Variants in ERAP1 observed in about 807,000 individuals in gnomAD.
ERAP1 encodes adipocyte-derived leucine aminopeptidase.
In ERAP1, 86 loss-of-function variants were observed where a neutral mutation model predicts 103.7. The ratio of observed to expected loss-of-function variants is 0.83; its 90% CI spans 0.70 to 0.99. The LOEUF (loss-of-function observed/expected upper bound fraction) is 0.99, where lower values mean the gene tolerates loss of function less well. Ranked by LOEUF, ERAP1 falls within the 50% of genes least tolerant of loss-of-function variation. ERAP1 has a pLI of 0.00. For synonymous variants in ERAP1, 398 were observed against 402.4 expected (o/e 0.99, Z 0.13); for missense variants, 1,009 against 1,128.4 (o/e 0.89, Z 1.52).
intron 18 of ERAP1, among the ~76,000 whole-genome samples, chr5:96,778,814 G>A (rs749637158): frequency 6.6e-5 from 10 of 152,186 alleles, no homozygotes; most frequent in South Asian, 2.1e-4. Flanking sequence ...AGAGAAGTGC[G>A]CAAGATCCAG....
chr5:96,880,144 A>C, the ERAP1 span: 1 of 1,614,154 alleles, frequency 6.2e-7, no homozygotes, highest in East Asian at 2.2e-5. Flanking sequence ...TGCTGGTTCC[A>C]GAGAAACTTA....
the ERAP1 span, chr5:96,886,697 T>C: frequency 2.6e-6 from 4 of 1,555,314 alleles, no homozygotes; most frequent in East Asian, 6.8e-5. Flanking sequence ...GGAAGATCAC[T>C]TTGAAACTAC....
At chr5:96,810,529 A>G (rs145314295), upstream of ERAP1, among the ~76,000 whole-genome samples, 2 of 152,358 alleles carry the variant, frequency 1.3e-5, no homozygotes, top group East Asian at 1.9e-4. Context: ...GAAAACACAC[A>G]CTAATTCTAC....
Position 96,792,101 on chromosome 5 carries a change from G to A in ERAP1, c.1280C>T (p.Ala427Val). The A allele has an allele frequency of 6.2e-7, 1 of 1,614,056 alleles. No individual in the cohort carries two copies. The highest frequency in any genetic ancestry group is 8.5e-7 in the Non-Finnish European group (1 of 1,179,922). ...ATCATCAAACATCTCCCGGATCTGA[G>A]CAGGATTTTCCACAGGTGTAGACAC... ...HPVSTPVENP[A>V]QIREMFDDVS... Residue 427 changes from alanine to valine, a missense_variant, in exon 8 of 19, where the codon GCT becomes GTT. Ala to Val is a moderately conservative substitution (Grantham distance 64, BLOSUM62 0). This residue lies in a region of ERAP1 where 611 missense variants were observed against 651.7 expected (regional missense o/e 0.94). Coordinates refer to ENST00000443439, the MANE Select transcript of ERAP1 (RefSeq NM_001040458.3).
At chr5:96,909,810 G>C in the ERAP1 span, 1 of 1,584,240 alleles carries the variant, frequency 6.3e-7, no homozygotes. Flanking sequence ...TCTCTTTGAT[G>C]TAAAAGTCTT....
the ERAP1 span, among the ~76,000 whole-genome samples, chr5:96,819,402 C>G: frequency 6.6e-6 from 1 of 152,034 alleles, no homozygotes; most frequent in Non-Finnish European, 1.5e-5. Flanking sequence ...CTGGTGAGTT[C>G]CAGCTATTTC....
At chr5:96,896,742 T>C in the ERAP1 span, 6 of 1,578,936 alleles carry the variant, frequency 3.8e-6, no homozygotes, top group African/African-American at 8.3e-5. Context: ...GGAGCTTGTA[T>C]TTTGAATATG....
At chr5:96,818,920 T>G in the ERAP1 span, among the ~76,000 whole-genome samples, 3 of 150,826 alleles carry the variant, frequency 2.0e-5, no homozygotes, top group Non-Finnish European at 4.4e-5. Context: ...ATTTATTTAT[T>G]TATTTATTTA....
At chr5:96,926,443 CTTAT>C in the ERAP1 span, among the ~76,000 whole-genome samples, 14 of 152,314 alleles carry the variant, frequency 9.2e-5, no homozygotes, top group Admixed American at 2.6e-4. Flanking sequence ...AAACCCTATA[CTTAT>C]TAGCAGACAC....
the ERAP1 span, among the ~76,000 whole-genome samples, chr5:96,884,497 T>G: frequency 6.6e-6 from 1 of 151,994 alleles, no homozygotes; most frequent in East Asian, 1.9e-4. Context: ...CTCTTTTAAG[T>G]TTCACAAGTA....
chr5:96,904,443 C>A, the ERAP1 span, among the ~76,000 whole-genome samples: 1 of 152,176 alleles, frequency 6.6e-6, no homozygotes, highest in East Asian at 1.9e-4. Flanking sequence ...CAGGACATCT[C>A]TGAGACAAAG....
intron 3 of ERAP1, among the ~76,000 whole-genome samples, chr5:96,800,226 A>C (rs1777832121): frequency 6.6e-6 from 1 of 152,158 alleles, no homozygotes; most frequent in Admixed American, 6.5e-5. Flanking sequence ...AGTTTTATTC[A>C]TTTGGCATGG....
the ERAP1 span, among the ~76,000 whole-genome samples, chr5:96,920,591 C>T: frequency 6.6e-6 from 1 of 152,234 alleles, no homozygotes; most frequent in Non-Finnish European, 1.5e-5. Context: ...CTAATGTCTA[C>T]CAAACATAAG....
At position 96,785,674 on chromosome 5, in the gene ERAP1, A is replaced by G. The variant is rs561227286; in HGVS notation, c.1943+114T>C. 87 of 1,213,682 alleles carry G rather than the reference A, an allele frequency of 7.2e-5. No individual in the cohort carries two copies. In the African/African-American group the frequency reaches 1.1e-3, roughly 15 times the overall value. 75.2% of individuals were successfully genotyped at this position (1,213,682 alleles called of 1,614,324 possible). A position where few individuals can be genotyped will look rare whatever the true frequency, so the allele number is the denominator to read the frequency against. On this transcript the variant is annotated intron_variant, in intron 13 of 18. Transcript: ENST00000443439. ...GGGTTGTTAGAAGAACTTAAAGGAA[A>G]ACACCTTTCAACTTCTTGTTATCAA... is the stretch of plus-strand genomic sequence containing the variant.
the ERAP1 span, among the ~76,000 whole-genome samples, chr5:96,833,669 G>A: frequency 4.6e-5 from 7 of 151,860 alleles, no homozygotes; most frequent in African/African-American, 1.2e-4. Flanking sequence ...ATGGTGGTGC[G>A]TGCCTGTAAT....
At chr5:96,887,579 C>T in the ERAP1 span, among the ~76,000 whole-genome samples, 1 of 152,176 alleles carries the variant, frequency 6.6e-6, no homozygotes, top group African/African-American at 2.4e-5. Context: ...GGATTACAGG[C>T]GTGAGCCACC....
At chr5:96,915,836 T>G in the ERAP1 span, 1 of 1,334,582 alleles carries the variant, frequency 7.5e-7, no homozygotes, top group Non-Finnish European at 1.1e-6. Flanking sequence ...AAAGTAAACT[T>G]AGATATAATC....
the ERAP1 span, among the ~76,000 whole-genome samples, chr5:96,835,906 A>G: frequency 2.6e-5 from 4 of 152,146 alleles, no homozygotes; most frequent in African/African-American, 7.2e-5. Flanking sequence ...CTGAATTTCA[A>G]CTGCAGGCAT....
At chr5:96,883,747 T>C in the ERAP1 span, 36 of 1,572,104 alleles carry the variant, frequency 2.3e-5, no homozygotes, top group Middle Eastern at 3.4e-4. Context: ...ATTTCTCTTC[T>C]TGATTTCACT....
Sources: gnomAD v4.1 joint callset for allele counts (sites outside exome capture counted in the v4.1 genomes callset) on GRCh38, gnomAD v4.1.1 for gene constraint, gnomAD v4.1.1 regional missense constraint, MANE v1.5 for transcripts, NCBI Gene and HGNC (gene_info 2026-07-23, HGNC 2026-07-21) for gene names.